GRIA2: variants seen among roughly 807,000 people sequenced by gnomAD.
GRIA2 encodes glutamate ionotropic receptor AMPA type subunit 2.
Under a neutral mutation model 97.3 loss-of-function variants are expected in GRIA2, and 14 were observed. The ratio of observed to expected loss-of-function variants is 0.14; its 90% CI spans 0.10 to 0.23. The LOEUF (loss-of-function observed/expected upper bound fraction) is 0.23. GRIA2 is among the 10% of genes least tolerant of loss of function. The pLI, the probability that GRIA2 is intolerant of heterozygous loss-of-function variation, is 1.00. For synonymous variants in GRIA2, 412 were observed against 387.8 expected, an observed-to-expected ratio of 1.06 and a Z score of -0.73; for missense variants, 558 against 1,069.8, an observed-to-expected ratio of 0.52 and a Z score of 6.67.
intron 2 of GRIA2, among the ~76,000 whole-genome samples, chr4:157,301,207 A>G (rs1391138748): frequency 6.6e-6 from 1 of 152,230 alleles, no homozygotes; most frequent in Non-Finnish European, 1.5e-5. Context: ...TATACCTGTC[A>G]GTACACATAC....
In GRIA2 at chr4:157,220,829, T is replaced by C. The variant is rs1560996526; in HGVS notation, c.-214T>C. The C allele has an allele frequency of 3.5e-6, 2 of 575,222 alleles. No individual in the cohort carries two copies. The highest frequency in any genetic ancestry group is 6.2e-6 in the Non-Finnish European group (2 of 323,298). The allele number at this position is 575,222 out of a possible 1,614,324, so 35.6% of individuals were successfully genotyped here. ...GCATTCAGCCAGTCCTCCGGACTTC[T>C]GGAGCGGGGACAGGGCGCAGGGCAT... On this transcript the variant is annotated 5_prime_UTR_variant, in exon 1 of 16. Transcript: ENST00000264426.
chr4:157,273,351 C>T (rs1027713240), intron 2 of GRIA2, among the ~76,000 whole-genome samples: 1 of 151,862 alleles, frequency 6.6e-6, no homozygotes, highest in African/African-American at 2.4e-5. Context: ...ACGAGGGATA[C>T]TAAAGGCAGA....
intron 3 of GRIA2, among the ~76,000 whole-genome samples, chr4:157,311,354 T>C (rs1734072655): frequency 6.6e-6 from 1 of 152,054 alleles, no homozygotes; most frequent in Non-Finnish European, 1.5e-5. Context: ...CCCATCTTTA[T>C]TTAAAGAGCT....
intron 2 of GRIA2, among the ~76,000 whole-genome samples, chr4:157,300,859 G>A (rs1733583029): frequency 6.6e-6 from 1 of 152,112 alleles, no homozygotes; most frequent in Non-Finnish European, 1.5e-5. Context: ...CAATAACCAG[G>A]AGGTCCCTTG....
upstream of GRIA2, chr4:157,220,267 C>A (rs1560995857): frequency 6.6e-6 from 1 of 152,406 alleles, no homozygotes; most frequent in East Asian, 1.9e-4. Flanking sequence ...TCGCCGCCAA[C>A]AATTAGCAAT....
At chr4:157,231,282 G>A (rs1347277577) in intron 2 of GRIA2, among the ~76,000 whole-genome samples, 7 of 152,002 alleles carry the variant, frequency 4.6e-5, no homozygotes, top group Admixed American at 3.3e-4. Flanking sequence ...CAGGCAATCC[G>A]CCCACCTCGG....
At chr4:157,291,746 G>A (rs1733114883) in intron 2 of GRIA2, among the ~76,000 whole-genome samples, 1 of 151,886 alleles carries the variant, frequency 6.6e-6, no homozygotes, top group Non-Finnish European at 1.5e-5. Context: ...AAAGTAGAAA[G>A]TTCCAAAAGT....
intron 6 of GRIA2, among the ~76,000 whole-genome samples, chr4:157,324,834 C>G (rs183041364): frequency 1.3e-3 from 204 of 152,178 alleles, no homozygotes; most frequent in African/African-American, 4.7e-3. Flanking sequence ...ATAGCACCCT[C>G]TAAATATAAA....
intron 2 of GRIA2, among the ~76,000 whole-genome samples, chr4:157,298,374 G>T (rs577691407): frequency 6.6e-6 from 1 of 151,958 alleles, no homozygotes. Flanking sequence ...GGTGATGGAT[G>T]ACATGCATAG....
chr4:157,252,209 G>C (rs1273432227), intron 2 of GRIA2, among the ~76,000 whole-genome samples: 2 of 152,116 alleles, frequency 1.3e-5, no homozygotes, highest in East Asian at 3.9e-4. Context: ...AGGGTATGCA[G>C]GAAGTTCTTA....
chr4:157,362,740 G>A (rs912077814), intron 14 of GRIA2, 59 bp from the exon 15 acceptor site: 2 of 1,438,796 alleles, frequency 1.4e-6, no homozygotes, highest in South Asian at 1.3e-5. Context: ...TGACATTGCT[G>A]TTCTCTTCTA....
chr4:157,237,208 T>A (rs562836734), intron 2 of GRIA2, among the ~76,000 whole-genome samples: 3 of 152,258 alleles, frequency 2.0e-5, no homozygotes, highest in African/African-American at 7.2e-5. Flanking sequence ...GAATCCCGTT[T>A]TATTTTTCCT....
chr4:157,260,447 C>T (rs929255014), intron 2 of GRIA2, among the ~76,000 whole-genome samples: 3 of 152,080 alleles, frequency 2.0e-5, no homozygotes, highest in Non-Finnish European at 4.4e-5. Context: ...ATCTGAAGCA[C>T]TTTGTCCCTT....
chr4:157,276,902 A>G (rs1021582163), intron 2 of GRIA2, among the ~76,000 whole-genome samples: 1 of 151,990 alleles, frequency 6.6e-6, no homozygotes, highest in Non-Finnish European at 1.5e-5. Context: ...TCTATTAAAG[A>G]AATTAAGTCA....
At chr4:157,326,899 G>T (rs567279821) in intron 6 of GRIA2, among the ~76,000 whole-genome samples, 19 of 152,202 alleles carry the variant, frequency 1.2e-4, no homozygotes, top group African/African-American at 4.3e-4. Flanking sequence ...TACTATGGCT[G>T]CCCTGATGAC....
chr4:157,358,190 T>C (rs1736476611), intron 12 of GRIA2, among the ~76,000 whole-genome samples: 1 of 152,136 alleles, frequency 6.6e-6, no homozygotes, highest in Non-Finnish European at 1.5e-5. Context: ...TTCAATTTGG[T>C]TGAGAATATG....
At chr4:157,246,167 A>T (rs1189674791) in intron 2 of GRIA2, among the ~76,000 whole-genome samples, 1 of 152,102 alleles carries the variant, frequency 6.6e-6, no homozygotes. Flanking sequence ...GATGACATAC[A>T]TTCAATATAC....
At chr4:157,294,428 G>C (rs377016119) in intron 2 of GRIA2, among the ~76,000 whole-genome samples, 2 of 150,998 alleles carry the variant, frequency 1.3e-5, no homozygotes, top group East Asian at 3.9e-4. Context: ...AAGACCAATG[G>C]TGGCTATAAA....
intron 6 of GRIA2, among the ~76,000 whole-genome samples, chr4:157,323,032 T>C (rs1442699991): frequency 6.6e-6 from 1 of 151,976 alleles, no homozygotes; most frequent in East Asian, 1.9e-4. Context: ...TTTGGTGACT[T>C]TAGTTGAGAT....
Sources: gnomAD v4.1 joint callset for allele counts (sites outside exome capture counted in the v4.1 genomes callset) on GRCh38, gnomAD v4.1.1 for gene constraint, MANE v1.5 for transcripts, NCBI Gene and HGNC (gene_info 2026-07-23, HGNC 2026-07-21) for gene names.